The following RERG variants were observed in gnomAD, a reference collection of about 807,000 sequenced individuals.
The protein encoded by RERG is RAS like estrogen regulated growth inhibitor, also known as ras-related and estrogen-regulated growth inhibitor.
A neutral mutation model predicts 23.2 loss-of-function variants in RERG; 25 were observed. The ratio of observed to expected loss-of-function variants is 1.08; its 90% CI spans 0.79 to 1.50. The LOEUF (loss-of-function observed/expected upper bound fraction) is 1.50. Ranked by LOEUF, RERG falls within the 40% of genes most tolerant of loss-of-function variation. The probability of loss-of-function intolerance (pLI) is 0.00; values close to 1 mark genes in which losing one functional copy is unlikely to be tolerated. For synonymous variants in RERG, 81 were observed against 89.1 expected (o/e 0.91, Z 0.51); for missense variants, 253 against 250.1 (o/e 1.01, Z -0.08).
At chr12:15,153,990 C>T (rs1454533333) in intron 2 of RERG, among the ~76,000 whole-genome samples, 1 of 152,034 alleles carries the variant, frequency 6.6e-6, no homozygotes, top group Non-Finnish European at 1.5e-5. Flanking sequence ...AGGAGAACAC[C>T]ATCTGCAAGC....
rs115987632 is a variant in RERG, at chr12:15,179,608, A to G, written c.61+37821T>C. The stretch of plus-strand genomic sequence containing the variant: ...TTTAGGTTATATCTTTCCCCCAAAA[A>G]TTGTTAGGAAACATTTGCTTACTGC... On this transcript the variant is annotated intron_variant, in intron 2 of 4. Coordinates refer to ENST00000256953, the MANE Select transcript of RERG (RefSeq NM_032918.3). 2.3e-3 allele frequency among the ~76,000 whole-genome samples: 347 copies of G among 152,298 alleles called. 1 individual carries two copies. The highest frequency in any genetic ancestry group is 7.9e-3 in the African/African-American group (327 of 41,576).
Position 15,217,445 on chromosome 12 carries a change from T to G in RERG, c.45A>C (p.Ala15=). The change falls in exon 2 of 5, where the codon GCA becomes GCC. Residue 15 remains alanine, a synonymous_variant. Transcript: ENST00000256953. ...AEVKLAIFGR[A]GVGKSALVVR... ...AAATCTTACCTGACTTGCCCACGCC[T>G]GCTCTCCCAAATATTGCCAGTTTGA... 6.2e-7 allele frequency: 1 copy of G among 1,613,210 alleles called. No homozygotes were observed. The highest frequency in any genetic ancestry group is 1.1e-5 in the South Asian group (1 of 91,054).
chr12:15,199,239 G>T (rs752111681), intron 2 of RERG, among the ~76,000 whole-genome samples: 4 of 151,988 alleles, frequency 2.6e-5, no homozygotes, highest in Non-Finnish European at 5.9e-5. Context: ...GCAACGTGAG[G>T]TACTCTTTTT....
At chr12:15,116,636 A>G (rs1234063674) in intron 3 of RERG, among the ~76,000 whole-genome samples, 1 of 151,980 alleles carries the variant, frequency 6.6e-6, no homozygotes, top group Admixed American at 6.6e-5. Context: ...TTTTTCTTTA[A>G]GCTTCTCTCT....
At chr12:15,166,538 G>A (rs957792845) in intron 2 of RERG, among the ~76,000 whole-genome samples, 5 of 151,062 alleles carry the variant, frequency 3.3e-5, no homozygotes, top group East Asian at 1.9e-4. Context: ...GGTGGTGGTG[G>A]TGGTAGTGGT....
chr12:15,168,219 G>C (rs114027093), intron 2 of RERG, among the ~76,000 whole-genome samples: 2 of 152,162 alleles, frequency 1.3e-5, no homozygotes, highest in Non-Finnish European at 2.9e-5. Flanking sequence ...GTCCCCTGCA[G>C]CTTTAATCAC....
intron 3 of RERG, among the ~76,000 whole-genome samples, chr12:15,120,541 CATT>C (rs1347204743): frequency 2.0e-5 from 3 of 151,302 alleles, no homozygotes; most frequent in African/African-American, 7.3e-5. Flanking sequence ...TATACATCAA[CATT>C]ATTACTATTT....
At chr12:15,133,794 A>C (rs548664342) in intron 2 of RERG, among the ~76,000 whole-genome samples, 1 of 149,118 alleles carries the variant, frequency 6.7e-6, no homozygotes, top group East Asian at 2.0e-4. Context: ...GATTTTGCAC[A>C]TTCTAATAAT....
chr12:15,141,180 G>T, intron 2 of RERG, among the ~76,000 whole-genome samples: 1 of 147,830 alleles, frequency 6.8e-6, no homozygotes, highest in South Asian at 2.1e-4. Flanking sequence ...TTTTGAGATG[G>T]ATTCTCACTC....
chr12:15,162,968 T>G (rs1469537974), intron 2 of RERG, among the ~76,000 whole-genome samples: 3 of 152,232 alleles, frequency 2.0e-5, no homozygotes, highest in Non-Finnish European at 2.9e-5. Context: ...TATGGAGATG[T>G]TCAGGTTAAG....
chr12:15,125,090 TAC>T (rs1315506859), intron 2 of RERG, among the ~76,000 whole-genome samples: 3 of 151,982 alleles, frequency 2.0e-5, no homozygotes, highest in Admixed American at 6.5e-5. Flanking sequence ...CACAAAAAAA[TAC>T]ATAGTTACCT....
chr12:15,138,831 A>G (rs1243746316), intron 2 of RERG, among the ~76,000 whole-genome samples: 1 of 151,730 alleles, frequency 6.6e-6, no homozygotes, highest in East Asian at 1.9e-4. Context: ...TCCAATTATC[A>G]ACCTTTTTTT....
intron 2 of RERG, among the ~76,000 whole-genome samples, chr12:15,124,457 A>G (rs1321604227): frequency 2.0e-5 from 3 of 152,152 alleles, no homozygotes; most frequent in Non-Finnish European, 4.4e-5. Flanking sequence ...GTCATATTCA[A>G]GAGAGATTCA....
chr12:15,131,707 G>A (rs531878538), intron 2 of RERG, among the ~76,000 whole-genome samples: 1 of 152,016 alleles, frequency 6.6e-6, no homozygotes, highest in Non-Finnish European at 1.5e-5. Flanking sequence ...ACAGATCCTA[G>A]GATCTTACAA....
intron 2 of RERG, among the ~76,000 whole-genome samples, chr12:15,166,552 G>A (rs1391829901): frequency 2.0e-5 from 3 of 148,442 alleles, no homozygotes; most frequent in South Asian, 2.1e-4. Flanking sequence ...TAGTGGTGTT[G>A]GTGGTGGTGT....
intron 2 of RERG, among the ~76,000 whole-genome samples, chr12:15,184,721 T>C (rs1452646604): frequency 1.3e-5 from 2 of 152,158 alleles, no homozygotes; most frequent in Non-Finnish European, 2.9e-5. Flanking sequence ...AACATGAATA[T>C]TGCCAAGTCA....
At chr12:15,122,074 G>T (rs1160389536) in intron 2 of RERG, among the ~76,000 whole-genome samples, 2 of 151,688 alleles carry the variant, frequency 1.3e-5, no homozygotes, top group Admixed American at 6.6e-5. Flanking sequence ...TTAAAAAATG[G>T]AATGAAAGCA....
At chr12:15,194,024 GA>G (rs1865108785) in intron 2 of RERG, among the ~76,000 whole-genome samples, 2 of 151,600 alleles carry the variant, frequency 1.3e-5, no homozygotes, top group Non-Finnish European at 2.9e-5. Flanking sequence ...TTGACAGCAG[GA>G]AAAAAAAGTA....
At chr12:15,119,292 T>G (rs1020258771) in intron 3 of RERG, among the ~76,000 whole-genome samples, 1 of 151,106 alleles carries the variant, frequency 6.6e-6, no homozygotes, top group East Asian at 1.9e-4. Flanking sequence ...TTAATAGCAG[T>G]TTTTTTTTCA....
Sources: gnomAD v4.1 joint callset for allele counts (sites outside exome capture counted in the v4.1 genomes callset) on GRCh38, gnomAD v4.1.1 for gene constraint, MANE v1.5 for transcripts, NCBI Gene and HGNC (gene_info 2026-07-23, HGNC 2026-07-21) for gene names.